The following SIK3 variants were observed in gnomAD, a reference collection of about 807,000 sequenced individuals.
SIK3 encodes SIK family kinase 3.
Under a neutral mutation model 144.2 loss-of-function variants are expected in SIK3, and 28 were observed. The observed-to-expected ratio is 0.19, with a 90% CI of 0.14 to 0.27. The LOEUF is 0.27. Among genes scored for constraint, SIK3 ranks in the 10% least tolerant of loss-of-function variants. The probability of loss-of-function intolerance (pLI) is 1.00; values close to 1 mark genes in which losing one functional copy is unlikely to be tolerated. For synonymous variants in SIK3, 686 were observed against 676.3 expected, an observed-to-expected ratio of 1.01 and a Z score of -0.22; for missense variants, 1,319 against 1,776.0, an observed-to-expected ratio of 0.74 and a Z score of 4.62.
At chr11:117,013,134 C>G (rs1184095620) in intron 1 of SIK3, among the ~76,000 whole-genome samples, 3 of 152,100 alleles carry the variant, frequency 2.0e-5, no homozygotes, top group Non-Finnish European at 4.4e-5. Flanking sequence ...TTATTTAATA[C>G]CTTCCCCCTA....
intron 1 of SIK3, among the ~76,000 whole-genome samples, chr11:117,066,921 G>A (rs1954051289): frequency 6.6e-6 from 1 of 152,088 alleles, no homozygotes; most frequent in African/African-American, 2.4e-5. Context: ...TACATAAAAA[G>A]ATACTCAATA....
At chr11:117,081,252 T>G (rs977791630) in intron 1 of SIK3, among the ~76,000 whole-genome samples, 1 of 150,120 alleles carries the variant, frequency 6.7e-6, no homozygotes, top group African/African-American at 2.5e-5. Flanking sequence ...TTCTTTGTTA[T>G]ACATTTTGTA....
chr11:116,977,318 G>T (rs1201797721), intron 1 of SIK3, among the ~76,000 whole-genome samples: 1 of 143,820 alleles, frequency 7.0e-6, no homozygotes, highest in East Asian at 2.1e-4. Context: ...TGGGCTCAAG[G>T]CATCCTCCCT....
chr11:117,014,384 A>C (rs2135704284), intron 1 of SIK3, among the ~76,000 whole-genome samples: 1 of 152,270 alleles, frequency 6.6e-6, no homozygotes. Flanking sequence ...AAAGCAATAA[A>C]ACTTTTAGAA....
chr11:117,031,268 A>C (rs897105151), intron 1 of SIK3, among the ~76,000 whole-genome samples: 1 of 151,394 alleles, frequency 6.6e-6, no homozygotes, highest in African/African-American at 2.4e-5. Context: ...ATTTTCTAAA[A>C]TTTTTTTTAG....
intron 1 of SIK3, among the ~76,000 whole-genome samples, chr11:116,964,214 T>C (rs1363975865): frequency 6.6e-6 from 1 of 152,074 alleles, no homozygotes; most frequent in African/African-American, 2.4e-5. Context: ...AGGGTCTCAC[T>C]ATGTTGCCCA....
chr11:116,907,476 G>A (rs774365085), intron 4 of SIK3, among the ~76,000 whole-genome samples: 2 of 152,068 alleles, frequency 1.3e-5, no homozygotes, highest in Admixed American at 6.6e-5. Flanking sequence ...GCAAAACCCC[G>A]TCTCTACTAA....
At chr11:116,915,124 A>ATGTG (rs35059138) in intron 4 of SIK3, among the ~76,000 whole-genome samples, 5,291 of 129,902 alleles carry the variant, frequency 0.041, 252 homozygotes, top group African/African-American at 0.11. Flanking sequence ...GAAGCCATAT[A>ATGTG]TGTGTGTGTG....
At chr11:116,968,227 C>T (rs1369466304) in intron 1 of SIK3, among the ~76,000 whole-genome samples, 1 of 152,192 alleles carries the variant, frequency 6.6e-6, no homozygotes. Context: ...ACTGCAACCT[C>T]CACCTCCTGG....
intron 3 of SIK3, among the ~76,000 whole-genome samples, chr11:116,947,911 G>A (rs537938541): frequency 1.3e-5 from 2 of 149,214 alleles, no homozygotes; most frequent in African/African-American, 4.9e-5. Context: ...ATCTTTCTAG[G>A]AATTTGTCCA....
At chr11:117,028,363 G>A (rs1952113047) in intron 1 of SIK3, among the ~76,000 whole-genome samples, 1 of 151,922 alleles carries the variant, frequency 6.6e-6, no homozygotes, top group African/African-American at 2.4e-5. Context: ...AAGCCCTCAG[G>A]AAACAATTAA....
intron 1 of SIK3, among the ~76,000 whole-genome samples, chr11:117,067,447 T>C (rs1036598387): frequency 6.6e-6 from 1 of 152,100 alleles, no homozygotes; most frequent in African/African-American, 2.4e-5. Context: ...TGAGGCCATT[T>C]ATATGAAATT....
intron 1 of SIK3, among the ~76,000 whole-genome samples, chr11:117,021,171 A>G (rs772122524): frequency 6.6e-6 from 1 of 152,200 alleles, no homozygotes; most frequent in Non-Finnish European, 1.5e-5. Context: ...GGAGAAACCA[A>G]TTCTGTTATT....
At chr11:116,894,401 T>C (rs543548131) in intron 6 of SIK3, among the ~76,000 whole-genome samples, 25 of 152,324 alleles carry the variant, frequency 1.6e-4, no homozygotes, top group African/African-American at 2.4e-5. Context: ...TGATGTCTAA[T>C]GTGCACCTCA....
chr11:116,976,705 G>A (rs1028846707), intron 1 of SIK3, among the ~76,000 whole-genome samples: 4 of 152,226 alleles, frequency 2.6e-5, no homozygotes, highest in African/African-American at 9.7e-5. Context: ...CAGGGCCTAG[G>A]ACCCAGAACG....
intron 1 of SIK3, among the ~76,000 whole-genome samples, chr11:117,042,044 G>C (rs955784217): frequency 4.0e-5 from 6 of 151,688 alleles, no homozygotes; most frequent in Non-Finnish European, 7.4e-5. Flanking sequence ...ATTTCTCCCA[G>C]CTCCCTGCTC....
chr11:117,051,784 C>A (rs1953256256), intron 1 of SIK3, among the ~76,000 whole-genome samples: 1 of 151,982 alleles, frequency 6.6e-6, no homozygotes, highest in African/African-American at 2.4e-5. Context: ...CCGCCTCAGC[C>A]TCCCAAAACG....
intron 1 of SIK3, among the ~76,000 whole-genome samples, chr11:117,004,858 A>G (rs548342207): frequency 2.0e-5 from 3 of 152,340 alleles, no homozygotes; most frequent in South Asian, 4.1e-4. Context: ...ATGGGAAAAC[A>G]AAGAGGTCCC....
At chr11:116,920,882 C>T (rs184501328) in intron 4 of SIK3, among the ~76,000 whole-genome samples, 18 of 152,338 alleles carry the variant, frequency 1.2e-4, no homozygotes, top group Non-Finnish European at 2.2e-4. Context: ...GTACTTCTAT[C>T]ATCCTCTGAA....
Sources: gnomAD v4.1 joint callset for allele counts (sites outside exome capture counted in the v4.1 genomes callset) on GRCh38, gnomAD v4.1.1 for gene constraint, MANE v1.5 for transcripts, NCBI Gene and HGNC (gene_info 2026-07-23, HGNC 2026-07-21) for gene names.